FCRL5: variants seen among roughly 807,000 people sequenced by gnomAD.
FCRL5 encodes Fc receptor like 5, also known as Fc receptor-like protein 5.
A neutral mutation model predicts 92.1 loss-of-function variants in FCRL5; 79 were observed. The observed-to-expected ratio is 0.86, with a 90% CI of 0.72 to 1.03. The LOEUF (loss-of-function observed/expected upper bound fraction) is 1.03, where lower values mean the gene tolerates loss of function less well. FCRL5 is among the 50% of genes least tolerant of loss of function. The probability of loss-of-function intolerance (pLI) is 0.00; values close to 1 mark genes in which losing one functional copy is unlikely to be tolerated. For missense variants in FCRL5, 1,160 were observed against 1,181.1 expected (o/e 0.98, Z 0.26); for synonymous variants, 466 against 469.3 (o/e 0.99, Z 0.09).
rs755167685 is a variant in FCRL5, at chr1:157,520,483, T to G, written c.2580A>C (p.Ala860=). Residue 860 remains alanine, a synonymous_variant, in exon 12 of 17, where the codon GCA becomes GCC. Transcript: ENST00000361835. ...GCAGCAGTGCCCCCGCAGCAAGGCC[T>G]GCTATGCTGAGCAGGCCCCCGGCGA... ...TGVAGGLLSI[A]GLAAGALLLY... 16 of 1,575,724 alleles carry G rather than the reference T, an allele frequency of 1.0e-5. No individual in the cohort carries two copies. The Admixed American group carries it at 2.9e-4, about 29-fold the overall frequency.
intron 8 of FCRL5, chr1:157,533,137 C>A (rs952797443): frequency 5.3e-5 from 8 of 152,100 alleles, no homozygotes; most frequent in Non-Finnish European, 8.8e-5. Context: ...ATATTTTTAA[C>A]CTCAAAGTCA....
Position 157,514,582 on chromosome 1 carries a change from C to T in FCRL5, c.*1093G>A, listed in dbSNP as rs1023875074. On this transcript the variant is annotated 3_prime_UTR_variant, in exon 17 of 17. Transcript: ENST00000361835. ...GCCTCTGCTGAGACCTATAGGGCTT[C>T]ACATGCATGCAGTGCAGTCCCAGGG... The T allele has an allele frequency of 3.3e-5, 5 of 152,302 alleles. No homozygotes were observed. The highest frequency in any genetic ancestry group is 2.6e-4 in the Admixed American group (4 of 15,280). 9.4% of individuals were successfully genotyped at this position (152,302 alleles called of 1,614,324 possible). A position where few individuals can be genotyped will look rare whatever the true frequency, so the allele number is the denominator to read the frequency against.
At chr1:157,549,722 G>T in intron 1 of FCRL5, 142 bp from the exon 2 acceptor site, 1 of 591,578 alleles carries the variant, frequency 1.7e-6, no homozygotes, top group Non-Finnish European at 2.9e-6. Context: ...TTCATCAAAT[G>T]TATATATATA....
intron 2 of FCRL5, among the ~76,000 whole-genome samples, chr1:157,547,575 C>T (rs1418272606): frequency 1.3e-5 from 2 of 152,176 alleles, no homozygotes; most frequent in African/African-American, 4.8e-5. Flanking sequence ...TTGCACTTTC[C>T]CTAAGAGAAT....
chr1:157,532,101 C>T (rs1043735911), intron 8 of FCRL5: 2 of 152,118 alleles, frequency 1.3e-5, no homozygotes, highest in African/African-American at 4.8e-5. Flanking sequence ...TATACAATTA[C>T]AATGTGTCAA....
rs1649843002 is a variant in FCRL5, at chr1:157,514,626, C to A, written c.*1049G>T. 1 of 152,312 alleles carries A rather than the reference C, an allele frequency of 6.6e-6. No individual in the cohort carries two copies. Among genetic ancestry groups the A allele is most frequent in the African/African-American group, 2.4e-5 (1 of 41,448 alleles). 9.4% of individuals were successfully genotyped at this position (152,312 alleles called of 1,614,324 possible). On this transcript the variant is annotated 3_prime_UTR_variant, in exon 17 of 17. Coordinates refer to ENST00000361835, the MANE Select transcript of FCRL5 (RefSeq NM_031281.3). ...CCCAGGGCCAGCAGCATCAGCATCC[C>A]CTGGGAACATGTTAGAATGGCAGTC... is the stretch of plus-strand genomic sequence containing the variant.
At chr1:157,517,703 T>A (rs745771902) in intron 15 of FCRL5, among the ~76,000 whole-genome samples, 8 of 152,162 alleles carry the variant, frequency 5.3e-5, no homozygotes, top group African/African-American at 1.9e-4. Context: ...AGCTGTAAGA[T>A]GATAAATTTG....
chr1:157,537,777 T>C (rs1651038082), intron 7 of FCRL5, among the ~76,000 whole-genome samples: 1 of 152,182 alleles, frequency 6.6e-6, no homozygotes, highest in African/African-American at 2.4e-5. Context: ...AGCTGACACT[T>C]AGGGAAAATA....
intron 7 of FCRL5, 136 bp downstream of exon 7, chr1:157,538,950 A>G (rs1651108683): frequency 3.1e-6 from 3 of 967,188 alleles, no homozygotes; most frequent in Admixed American, 2.8e-5. Context: ...TCAGTGAGCT[A>G]GAGAGTGGAG....
intron 8 of FCRL5, 33 bp downstream of exon 8, chr1:157,534,581 G>C: frequency 6.2e-7 from 1 of 1,613,778 alleles, no homozygotes; most frequent in East Asian, 2.2e-5. Context: ...AACTCAGCCA[G>C]GGGTGGGTGA....
intron 15 of FCRL5, 85 bp from the exon 16 acceptor site, chr1:157,515,958 C>T: frequency 6.8e-7 from 1 of 1,472,700 alleles, no homozygotes; most frequent in Non-Finnish European, 9.4e-7. Flanking sequence ...AGCCCTGAGC[C>T]TCCTGGAGGC....
intron 7 of FCRL5, among the ~76,000 whole-genome samples, chr1:157,538,226 A>G (rs1651067052): frequency 6.6e-6 from 1 of 152,050 alleles, no homozygotes; most frequent in Non-Finnish European, 1.5e-5. Context: ...CCTCTCCTTT[A>G]TAATCACACA....
chr1:157,520,548 C>T lies in FCRL5; in HGVS notation c.2516-1G>A. The T allele has an allele frequency of 1.3e-6, 2 of 1,583,512 alleles. No homozygotes were observed. The highest frequency in any genetic ancestry group is 1.2e-5 in the South Asian group (1 of 86,410). On this transcript the variant is annotated splice_acceptor_variant, in intron 11 of 16. Coordinates refer to ENST00000361835, the MANE Select transcript of FCRL5 (RefSeq NM_031281.3). LOFTEE classifies it high-confidence loss of function. ...GGGCCACTTCTGTTCGCGGTCAGCC[C>T]TGAGGGGGAGACCCTGTGTGTGAGC... is the stretch of plus-strand genomic sequence containing the variant.
In FCRL5 at chr1:157,532,340, A is replaced by G. The variant is rs573463200; in HGVS notation, c.1681+2274T>C. ...GTTTTCCATGGAATTTTAGTGAAGT[A>G]TAAGCCATTAATGATGAGTAACTGT... On this transcript the variant is annotated intron_variant, in intron 8 of 16. Coordinates refer to ENST00000361835, the MANE Select transcript of FCRL5 (RefSeq NM_031281.3). The G allele has an allele frequency of 2.0e-5, 3 of 152,314 alleles. No individual in the cohort carries two copies. The South Asian group carries it at 6.2e-4, about 32-fold the overall frequency. The allele number at this position is 152,314 out of a possible 1,614,324, so 9.4% of individuals were successfully genotyped here.
At chr1:157,516,950 A>G (rs1169622766) in intron 15 of FCRL5, among the ~76,000 whole-genome samples, 1 of 152,244 alleles carries the variant, frequency 6.6e-6, no homozygotes, top group Non-Finnish European at 1.5e-5. Flanking sequence ...ATGAGTTCAC[A>G]TGTCTCAGAG....
At chr1:157,535,651 A>T (rs1322277620) in intron 7 of FCRL5, among the ~76,000 whole-genome samples, 2 of 152,188 alleles carry the variant, frequency 1.3e-5, no homozygotes, top group Non-Finnish European at 2.9e-5. Flanking sequence ...TATAAAAAAG[A>T]TATTTGTTAT....
intron 11 of FCRL5, 145 bp downstream of exon 11, chr1:157,520,872 C>G: frequency 9.7e-7 from 1 of 1,032,782 alleles, no homozygotes; most frequent in South Asian, 1.7e-5. Context: ...AGAAGCACTT[C>G]AGGAAATATA....
chr1:157,524,595 C>T (rs1340727491), intron 9 of FCRL5, 38 bp from the exon 10 acceptor site: 12 of 1,530,856 alleles, frequency 7.8e-6, no homozygotes, highest in Non-Finnish European at 1.1e-5. Context: ...GCTGCTTCTG[C>T]TAAAATATAT....
chr1:157,548,062 A>C (rs549219002), intron 2 of FCRL5, among the ~76,000 whole-genome samples: 14 of 152,330 alleles, frequency 9.2e-5, no homozygotes, highest in Admixed American at 3.3e-4. Context: ...GCTGATTGAG[A>C]GGATCCTATC....
Sources: allele counts gnomAD v4.1 joint callset (sites outside exome capture counted in the v4.1 genomes callset), GRCh38; gene constraint gnomAD v4.1.1; transcripts MANE v1.5; gene names NCBI Gene and HGNC (gene_info 2026-07-23, HGNC 2026-07-21).